Variants in VCPIP1 observed in about 807,000 individuals in gnomAD.
VCPIP1 encodes valosin containing protein interacting protein 1.
Under a neutral mutation model 85.0 loss-of-function variants are expected in VCPIP1, and 8 were observed. The observed-to-expected ratio is 0.09, with a 90% CI of 0.06 to 0.17. The LOEUF (loss-of-function observed/expected upper bound fraction) is 0.17, where lower values mean the gene tolerates loss of function less well. VCPIP1 is among the 10% of genes least tolerant of loss of function. The pLI is 1.00. For synonymous variants in VCPIP1, 543 were observed against 544.5 expected (o/e 1.00, Z 0.04); for missense variants, 1,070 against 1,486.3 (o/e 0.72, Z 4.61).
chr8:66,666,032 G>C lies in VCPIP1; in HGVS notation c.927C>G (p.Leu309=). The change falls in exon 1 of 3, where the codon CTC becomes CTG. Residue 309 remains leucine, a synonymous_variant. Transcript: ENST00000310421. The surrounding 1 kb of genome is among the most constrained non-coding windows in gnomAD (Gnocchi z 6.3). ...LHRPIILLDS[L]SGMRSSGDYS... ...AATCACCAGAGCTTCTCATGCCACT[G>C]AGGGAATCTAACAGAATAATAGGAC... The C allele has an allele frequency of 6.2e-7, 1 of 1,614,150 alleles. No homozygotes were observed. Among genetic ancestry groups the C allele is most frequent in the South Asian group, 1.1e-5 (1 of 91,080 alleles).
intron 1 of VCPIP1, among the ~76,000 whole-genome samples, chr8:66,657,326 T>G (rs1057432883): frequency 3.3e-5 from 5 of 152,224 alleles, no homozygotes; most frequent in Admixed American, 6.5e-5. Context: ...AATTCAAAAT[T>G]TTTTAATAAT....
Position 66,634,699 on chromosome 8 carries a change from C to G in VCPIP1, c.3471G>C (p.Leu1157Phe). 3 of 1,614,106 alleles carry G rather than the reference C, an allele frequency of 1.9e-6. No homozygotes were observed. Among genetic ancestry groups the G allele is most frequent in the Non-Finnish European group, 2.5e-6 (3 of 1,179,994 alleles). Residue 1157 changes from leucine to phenylalanine, a missense_variant, in exon 3 of 3, where the codon TTG (leucine) becomes TTC (phenylalanine). Transcript: ENST00000310421. ...CACCAGTTAAAGGAAAAGATTCAGG[C>G]AAACCAGTCTGAAGACTCCCAGACT... The part of the protein sequence containing the change: ...SAKSGSLQTG[L>F]PESFPLTGGT...
intron 1 of VCPIP1, among the ~76,000 whole-genome samples, chr8:66,661,715 G>A (rs540073644): frequency 1.5e-4 from 22 of 151,132 alleles, no homozygotes; most frequent in African/African-American, 4.6e-4. Flanking sequence ...CAGCCTGGGC[G>A]ACAGAGTGAG....
intron 1 of VCPIP1, 128 bp from the exon 2 acceptor site, chr8:66,651,672 G>A (rs1001348746): frequency 3.4e-5 from 21 of 626,482 alleles, no homozygotes; most frequent in African/African-American, 9.3e-5. Context: ...AGCCTGACAC[G>A]CCATAGAGGG....
chr8:66,666,910 G>T lies in VCPIP1; in HGVS notation c.49C>A (p.Pro17Thr). 2 of 1,594,872 alleles carry T rather than the reference G, an allele frequency of 1.3e-6. No individual in the cohort carries two copies. Among genetic ancestry groups the T allele is most frequent in the South Asian group, 2.2e-5 (2 of 89,882 alleles). The stretch of plus-strand genomic sequence containing the variant: ...GACGGAGTCTGTGGAGCCTCAGGGG[G>T]AGGAGGTGGCGGCGGCAACGGAGGC... ...PPPPLPPPPP[P>T]PEAPQTPSSL... Residue 17 changes from proline to threonine, a missense_variant, in exon 1 of 3, where the codon CCC becomes ACC. By Grantham distance (38) the Pro-to-Thr change is conservative. Coordinates refer to ENST00000310421, the MANE Select transcript of VCPIP1 (RefSeq NM_025054.5). This position sits in a 1 kb window ranked among gnomAD's most constrained non-coding sequence, Gnocchi z 6.3.
chr8:66,653,998 A>C (rs1811076471), intron 1 of VCPIP1, among the ~76,000 whole-genome samples: 1 of 152,156 alleles, frequency 6.6e-6, no homozygotes, highest in South Asian at 2.1e-4. Flanking sequence ...TTATCTACCA[A>C]GCTCTGAGCA....
chr8:66,661,599 G>A (rs1456653729), intron 1 of VCPIP1, among the ~76,000 whole-genome samples: 2 of 151,456 alleles, frequency 1.3e-5, no homozygotes, highest in African/African-American at 2.4e-5. Flanking sequence ...AGCCAGGTGT[G>A]GTGGCACATG....
At chr8:66,659,920 A>G (rs986885608) in intron 1 of VCPIP1, among the ~76,000 whole-genome samples, 1 of 149,642 alleles carries the variant, frequency 6.7e-6, no homozygotes, top group Non-Finnish European at 1.5e-5. Context: ...CTGTCTCCAG[A>G]AAAAAAAAAG....
At chr8:66,646,633 G>A (rs1305993662) in intron 2 of VCPIP1, among the ~76,000 whole-genome samples, 1 of 151,736 alleles carries the variant, frequency 6.6e-6, no homozygotes, top group East Asian at 1.9e-4. Context: ...TTGTCTCTAC[G>A]AAAATTACAA....
Position 66,664,320 on chromosome 8 carries a change from A to C in VCPIP1, c.2639T>G (p.Leu880Arg). Residue 880 changes from leucine (L) to arginine (R), a missense_variant, in exon 1 of 3, where the codon CTG becomes CGG. By Grantham distance (102) the Leu-to-Arg change is moderately radical. Around this residue, in one of 8 missense-constraint regions of VCPIP1, gnomAD observed 278 missense variants for 298.5 expected, o/e 0.93. Transcript: ENST00000310421. The part of the protein sequence containing the change: ...KQEDIAVTGK[L>R]SSKELQEQAE... ...TTGCTCCTGAAGTTCCTTAGATGAC[A>C]GTTTACCAGTAACAGCAATATCTTC... The C allele has an allele frequency of 6.2e-7, 1 of 1,610,166 alleles. No homozygotes were observed. Among genetic ancestry groups the C allele is most frequent in the African/African-American group, 1.3e-5 (1 of 74,968 alleles).
At chr8:66,637,035 C>T (rs528639912) in intron 2 of VCPIP1, among the ~76,000 whole-genome samples, 7 of 152,232 alleles carry the variant, frequency 4.6e-5, no homozygotes, top group African/African-American at 1.2e-4. Flanking sequence ...AGTTTCTGCA[C>T]GTTTATATTG....
chr8:66,664,618 T>C lies in VCPIP1; in HGVS notation c.2341A>G (p.Thr781Ala). The C allele has an allele frequency of 6.2e-7, 1 of 1,614,096 alleles. No individual in the cohort carries two copies. The highest frequency in any genetic ancestry group is 8.5e-7 in the Non-Finnish European group (1 of 1,179,972). Residue 781 changes from threonine (T) to alanine (A), a missense_variant, in exon 1 of 3, where the codon ACT becomes GCT. Coordinates refer to ENST00000310421, the MANE Select transcript of VCPIP1 (RefSeq NM_025054.5). ...TSKEKKIRIT[T>A]NDGRQSMVTL... ...ACCATGGACTGTCGTCCATCATTAG[T>C]TGTGATTCGGATCTTCTTCTCCTTA... is the stretch of plus-strand genomic sequence containing the variant.
At position 66,665,966 on chromosome 8, in the gene VCPIP1, C is replaced by T; in HGVS notation, c.993G>A (p.Lys331=). 6.2e-7 allele frequency: 1 copy of T among 1,614,198 alleles called. No homozygotes were observed. The change falls in exon 1 of 3, where the codon AAG becomes AAA. Residue 331 remains lysine (K), a synonymous_variant. Transcript: ENST00000310421. The surrounding 1 kb of genome is among the most constrained non-coding windows in gnomAD (Gnocchi z 4.3). ...TFLPGLIPAE[K]CTGKDGHLNK... ...TCAAATGACCATCTTTCCCAGTGCA[C>T]TTCTCTGCAGGGATGAGCCCAGGTA...
chr8:66,645,725 G>C (rs1165069718), intron 2 of VCPIP1, among the ~76,000 whole-genome samples: 17 of 140,958 alleles, frequency 1.2e-4, no homozygotes, highest in Non-Finnish European at 2.6e-4. Context: ...TTCAAGACTA[G>C]CCTGGGCAGC....
chr8:66,663,520 C>T (rs1811177495), intron 1 of VCPIP1, among the ~76,000 whole-genome samples: 1 of 152,120 alleles, frequency 6.6e-6, no homozygotes, highest in Non-Finnish European at 1.5e-5. Context: ...AACAGTATCC[C>T]AAATCATCTA....
rs1234076599 is a variant in VCPIP1, at chr8:66,635,169, G to T, written c.3001C>A (p.His1001Asn). The stretch of plus-strand genomic sequence containing the variant: ...CCACTACCTAGTTTTAATAGCCCAT[G>T]TGAGGGACTTGATTCCCTACTTCTT... Reference protein sequence around the residue: ...TTRSRESSPSHGLLKLGSGGV... With the variant: ...TTRSRESSPSNGLLKLGSGGV... The change falls in exon 3 of 3, where the codon CAT becomes AAT. Residue 1001 changes from histidine to asparagine, a missense_variant. Coordinates refer to ENST00000310421, the MANE Select transcript of VCPIP1 (RefSeq NM_025054.5). 1 of 1,614,022 alleles carries T rather than the reference G, an allele frequency of 6.2e-7. No homozygotes were observed. The highest frequency in any genetic ancestry group is 1.7e-5 in the Admixed American group (1 of 59,992).
intron 1 of VCPIP1, among the ~76,000 whole-genome samples, chr8:66,654,431 G>A (rs780292035): frequency 1.3e-4 from 20 of 152,224 alleles, no homozygotes; most frequent in African/African-American, 3.9e-4. Context: ...AGCCGAGGTC[G>A]TGCCACAGCA....
chr8:66,665,257 T>A lies in VCPIP1; in HGVS notation c.1702A>T (p.Thr568Ser). The change falls in exon 1 of 3, where the codon ACT (threonine) becomes TCT (serine). Residue 568 changes from threonine to serine, a missense_variant. Thr to Ser is a moderately conservative substitution (Grantham distance 58). This residue lies in a region of VCPIP1 where 123 missense variants were observed against 156.3 expected (regional missense o/e 0.79). Coordinates refer to ENST00000310421, the MANE Select transcript of VCPIP1 (RefSeq NM_025054.5). This position sits in a 1 kb window ranked among gnomAD's most constrained non-coding sequence, Gnocchi z 4.3. Reference sequence around the variant, plus strand: ...AATCCACAACCACATTTGCCACCAGTGGACCTAGAATTAGTTCTGTCTCCA... The same window carrying A: ...AATCCACAACCACATTTGCCACCAGAGGACCTAGAATTAGTTCTGTCTCCA... ...LDGDRTNSRS[T>S]GGKCGCGFKH... 1 of 1,614,204 alleles carries A rather than the reference T, an allele frequency of 6.2e-7. No homozygotes were observed. The highest frequency in any genetic ancestry group is 1.1e-5 in the South Asian group (1 of 91,082).
At chr8:66,657,269 C>T (rs986399279) in intron 1 of VCPIP1, among the ~76,000 whole-genome samples, 1 of 151,728 alleles carries the variant, frequency 6.6e-6, no homozygotes, top group African/African-American at 2.4e-5. Flanking sequence ...CTATTTATGA[C>T]CATAAAATGA....
Sources: gnomAD v4.1 joint callset for allele counts (sites outside exome capture counted in the v4.1 genomes callset) on GRCh38, gnomAD v4.1.1 for gene constraint, gnomAD v4.1.1 regional missense constraint, Gnocchi (gnomAD v3.1) non-coding constraint, MANE v1.5 for transcripts, NCBI Gene and HGNC (gene_info 2026-07-23, HGNC 2026-07-21) for gene names.